The following ARHGAP24 variants were observed in gnomAD, a reference collection of about 807,000 sequenced individuals.
ARHGAP24 encodes the protein Rho GTPase activating protein 24.
In ARHGAP24, 50 loss-of-function variants were observed where a neutral mutation model predicts 76.4. The ratio of observed to expected loss-of-function variants is 0.65; its 90% confidence interval spans 0.52 to 0.83. The LOEUF (loss-of-function observed/expected upper bound fraction) is 0.83. Among genes scored for constraint, ARHGAP24 ranks in the 40% least tolerant of loss-of-function variants. The pLI is 0.00. For missense variants in ARHGAP24, 930 were observed against 914.2 expected, an observed-to-expected ratio of 1.02 and a Z score of -0.22; for synonymous variants, 345 against 323.3, an observed-to-expected ratio of 1.07 and a Z score of -0.72.
intron 2 of ARHGAP24, among the ~76,000 whole-genome samples, chr4:85,616,614 C>A (rs996803907): frequency 2.6e-5 from 4 of 151,930 alleles, no homozygotes; most frequent in Admixed American, 2.6e-4. Context: ...CTCTCCTTTG[C>A]CTGTTTGTAT....
chr4:85,653,182 T>A (rs1722009982), intron 2 of ARHGAP24, among the ~76,000 whole-genome samples: 2 of 152,150 alleles, frequency 1.3e-5, no homozygotes, highest in Admixed American at 1.3e-4. Flanking sequence ...ATAACTATGA[T>A]CTTGGGGATC....
At chr4:85,559,354 G>A (rs1318190318) in intron 1 of ARHGAP24, among the ~76,000 whole-genome samples, 1 of 152,132 alleles carries the variant, frequency 6.6e-6, no homozygotes, top group Non-Finnish European at 1.5e-5. Flanking sequence ...ATACATTCTG[G>A]AATGGCTAAA....
intron 2 of ARHGAP24, among the ~76,000 whole-genome samples, chr4:85,629,202 A>G (rs145770258): frequency 1.4e-3 from 212 of 152,300 alleles, no homozygotes; most frequent in African/African-American, 5.1e-3. Flanking sequence ...TTGCTAGCTT[A>G]TAACAAGGGA....
intron 8 of ARHGAP24, 61 bp from the exon 9 acceptor site, chr4:85,994,522 T>C: frequency 6.7e-7 from 1 of 1,492,794 alleles, no homozygotes; most frequent in Non-Finnish European, 9.3e-7. Flanking sequence ...AGAGTCACAT[T>C]GAAATAGAAA....
intron 1 of ARHGAP24, among the ~76,000 whole-genome samples, chr4:85,553,403 A>G (rs560010779): frequency 1.2e-4 from 18 of 152,256 alleles, no homozygotes; most frequent in Admixed American, 3.9e-4. Context: ...TCCATTTTAC[A>G]TAGTGCTGAT....
At chr4:85,628,629 C>T (rs1293973229) in intron 2 of ARHGAP24, among the ~76,000 whole-genome samples, 1 of 152,082 alleles carries the variant, frequency 6.6e-6, no homozygotes, top group Non-Finnish European at 1.5e-5. Context: ...GTATTGCTGT[C>T]TATTTATCTC....
chr4:85,485,572 T>C (rs943381651), intron 1 of ARHGAP24, among the ~76,000 whole-genome samples: 1 of 151,332 alleles, frequency 6.6e-6, no homozygotes, highest in Admixed American at 6.6e-5. Context: ...ACTCTAATCC[T>C]ACCTCTGGTA....
chr4:85,974,904 C>G lies in ARHGAP24; in HGVS notation c.749C>G (p.Ala250Gly). 6.2e-7 allele frequency: 1 copy of G among 1,613,718 alleles called. No individual in the cohort carries two copies. Among genetic ancestry groups the G allele is most frequent in the Non-Finnish European group, 8.5e-7 (1 of 1,179,826 alleles). ...KEEEAGVKEL[A>G]KQVKSLPVVN... ...TGTACTCAGGGTGTTAAGGAATTAG[C>G]AAAGCAGGTGAAGAGTTTGCCAGTG... Residue 250 changes from alanine to glycine, a missense_variant, in exon 7 of 10, where the codon GCA becomes GGA. Physicochemically the swap from Ala to Gly is moderately conservative, Grantham distance 60. Transcript: ENST00000395184.
intron 3 of ARHGAP24, among the ~76,000 whole-genome samples, chr4:85,846,588 A>G (rs915218238): frequency 1.3e-5 from 2 of 152,174 alleles, no homozygotes; most frequent in Non-Finnish European, 2.9e-5. Context: ...ATTAATTCTC[A>G]CCTAATGGTG....
At chr4:85,953,654 TCTGCCTGTGCTGCCCAG>T (rs1441538686) in intron 5 of ARHGAP24, among the ~76,000 whole-genome samples, 3 of 151,588 alleles carry the variant, frequency 2.0e-5, no homozygotes, top group Admixed American at 2.0e-4. Context: ...TTTTTTTTAA[TCTGCCTGTGCTGCCCAG>T]AGGCAGGAAC....
Position 85,609,303 on chromosome 4 carries a change from T to C in ARHGAP24, c.180+38582T>C, listed in dbSNP as rs35398466. Among the ~76,000 whole-genome samples, 407 of 152,278 alleles carry C rather than the reference T, an allele frequency of 2.7e-3. 3 individuals are homozygous for C. The highest frequency in any genetic ancestry group is 4.5e-3 in the Admixed American group (69 of 15,296). On this transcript the variant is annotated intron_variant, in intron 2 of 9. Transcript: ENST00000395184. ...GAACATCATTAGCCAGGAGGAGCAA[T>C]AGTGTTGTTTCCGTTTTATTCTGGA...
intron 2 of ARHGAP24, among the ~76,000 whole-genome samples, chr4:85,638,725 A>G (rs895383071): frequency 6.6e-6 from 1 of 152,180 alleles, no homozygotes; most frequent in Non-Finnish European, 1.5e-5. Context: ...CTAGCAGAGT[A>G]TACTATCATG....
At chr4:85,879,318 G>A (rs1246466159) in intron 3 of ARHGAP24, among the ~76,000 whole-genome samples, 6 of 152,004 alleles carry the variant, frequency 3.9e-5, no homozygotes, top group African/African-American at 9.7e-5. Context: ...TGTACGACAC[G>A]TTAAGCATCT....
intron 5 of ARHGAP24, among the ~76,000 whole-genome samples, chr4:85,970,586 A>G (rs1738911398): frequency 6.6e-6 from 1 of 152,036 alleles, no homozygotes; most frequent in Admixed American, 6.6e-5. Flanking sequence ...CAAAATTGAG[A>G]GCTGAGAAGC....
chr4:85,939,452 C>T (rs1736830312), intron 4 of ARHGAP24, among the ~76,000 whole-genome samples: 1 of 152,162 alleles, frequency 6.6e-6, no homozygotes, highest in Non-Finnish European at 1.5e-5. Flanking sequence ...TATTTCATCT[C>T]TCTGAGCCCC....
rs1190328984 is a variant in ARHGAP24 at position 85,570,651 on chromosome 4, A to G, written c.110A>G (p.His37Arg). The change falls in exon 2 of 10, where the codon CAT becomes CGT. Residue 37 changes from histidine to arginine, a missense_variant. His to Arg is a conservative substitution (Grantham distance 29). Coordinates refer to ENST00000395184, the MANE Select transcript of ARHGAP24 (RefSeq NM_001025616.3). The stretch of plus-strand genomic sequence containing the variant: ...CAAGGAGGCTTTGTCAAGACTTGGC[A>G]TACTCGCTGGTTTGTGCTCAAGGGG... ...RKQGGFVKTW[H>R]TRWFVLKGDQ... 2 of 1,614,026 alleles carry G rather than the reference A, an allele frequency of 1.2e-6. No homozygotes were observed. The highest frequency in any genetic ancestry group is 1.3e-5 in the African/African-American group (1 of 74,920).
intron 3 of ARHGAP24, among the ~76,000 whole-genome samples, chr4:85,759,968 C>T (rs924490232): frequency 2.0e-5 from 3 of 152,162 alleles, no homozygotes; most frequent in African/African-American, 7.2e-5. Context: ...AAACGTGTCT[C>T]ATTAACTCAC....
At chr4:85,601,531 A>AGGGTGT (rs1720027964) in intron 2 of ARHGAP24, among the ~76,000 whole-genome samples, 2 of 152,114 alleles carry the variant, frequency 1.3e-5, no homozygotes, top group Admixed American at 6.6e-5. Flanking sequence ...CCTGGCTTCT[A>AGGGTGT]CGCGCTAGAT....
intron 8 of ARHGAP24, 63 bp from the exon 9 acceptor site, chr4:85,994,520 A>T: frequency 6.7e-7 from 1 of 1,481,878 alleles, no homozygotes; most frequent in Non-Finnish European, 9.4e-7. Flanking sequence ...TAAGAGTCAC[A>T]TTGAAATAGA....
Sources: allele counts gnomAD v4.1 joint callset (sites outside exome capture counted in the v4.1 genomes callset), GRCh38; gene constraint gnomAD v4.1.1; transcripts MANE v1.5; gene names NCBI Gene and HGNC (gene_info 2026-07-23, HGNC 2026-07-21).